FBXW2: variants seen among roughly 807,000 people sequenced by gnomAD.
FBXW2 encodes the protein F-box/WD repeat-containing protein 2.
Under a neutral mutation model 46.0 loss-of-function variants are expected in FBXW2, and 12 were observed. The ratio of observed to expected loss-of-function variants is 0.26; its 90% CI spans 0.17 to 0.42. The LOEUF is 0.42. FBXW2 is among the 10% of genes least tolerant of loss of function. The pLI is 1.00. For synonymous variants in FBXW2, 203 were observed against 209.6 expected, an observed-to-expected ratio of 0.97 and a Z score of 0.27; for missense variants, 360 against 537.0, an observed-to-expected ratio of 0.67 and a Z score of 3.26.
intron 3 of FBXW2, among the ~76,000 whole-genome samples, chr9:120,779,510 T>G (rs1480703025): frequency 6.6e-6 from 1 of 152,224 alleles, no homozygotes; most frequent in Non-Finnish European, 1.5e-5. Flanking sequence ...AGCTAGAGTA[T>G]GAATTTTAAC....
chr9:120,778,580 C>T, intron 3 of FBXW2, 35 bp from the exon 4 acceptor site: 1 of 1,577,608 alleles, frequency 6.3e-7, no homozygotes, highest in Non-Finnish European at 8.7e-7. Context: ...AATAAGAAAA[C>T]AAACACACTA....
At chr9:120,785,616 C>T (rs955101709) in intron 3 of FBXW2, among the ~76,000 whole-genome samples, 1 of 152,136 alleles carries the variant, frequency 6.6e-6, no homozygotes. Context: ...AGAAATGATA[C>T]ATCTCAACAT....
chr9:120,787,706 G>C (rs2044753949), intron 3 of FBXW2, 63 bp downstream of exon 3: 13 of 1,506,112 alleles, frequency 8.6e-6, no homozygotes, highest in African/African-American at 1.4e-5. Flanking sequence ...CTCAAGACTG[G>C]TTCAAGATTA....
At chr9:120,775,963 C>A (rs552674094) in intron 5 of FBXW2, 130 bp downstream of exon 5, 380 of 1,084,898 alleles carry the variant, frequency 3.5e-4, no homozygotes, top group Non-Finnish European at 4.9e-4. Flanking sequence ...CTGTTGTGTA[C>A]CATTATGCTT....
chr9:120,766,831 C>T (rs1178129608), intron 7 of FBXW2, among the ~76,000 whole-genome samples: 8 of 152,214 alleles, frequency 5.3e-5, no homozygotes, highest in Non-Finnish European at 1.0e-4. Context: ...AAGACTAAAA[C>T]ATCTTGCCAT....
At chr9:120,780,519 G>A (rs2044588685) in intron 3 of FBXW2, among the ~76,000 whole-genome samples, 1 of 152,116 alleles carries the variant, frequency 6.6e-6, no homozygotes, top group Admixed American at 6.5e-5. Context: ...ATTTGGACTA[G>A]CCACAGCTCA....
Position 120,757,962 on chromosome 9 carries a change from T to G in FBXW2, c.*6597A>C, listed in dbSNP as rs1428673931. 1 of 152,268 alleles carries G rather than the reference T, an allele frequency of 6.6e-6. No homozygotes were observed. Among genetic ancestry groups the G allele is most frequent in the African/African-American group, 2.4e-5 (1 of 41,472 alleles). The allele number at this position is 152,268 out of a possible 1,614,324, so 9.4% of individuals were successfully genotyped here. A position where few individuals can be genotyped will look rare whatever the true frequency, so the allele number is the denominator to read the frequency against. The stretch of plus-strand genomic sequence containing the variant: ...ATTTTAGATGCTCTGGAAGTTATTT[T>G]TCTTCCAAGTTTAGATAGCTCTTAA... On this transcript the variant is annotated 3_prime_UTR_variant, in exon 8 of 8. Transcript: ENST00000608872.
intron 2 of FBXW2, among the ~76,000 whole-genome samples, chr9:120,789,228 G>A (rs541597101): frequency 1.2e-4 from 19 of 152,298 alleles, no homozygotes; most frequent in African/African-American, 4.6e-4. Flanking sequence ...TCAAGATCAG[G>A]TACCAAGCTC....
At chr9:120,778,843 T>C (rs1301604806) in intron 3 of FBXW2, among the ~76,000 whole-genome samples, 1 of 152,174 alleles carries the variant, frequency 6.6e-6, no homozygotes, top group Non-Finnish European at 1.5e-5. Context: ...ACTTGAAAAA[T>C]TTCATAAATC....
intron 4 of FBXW2, among the ~76,000 whole-genome samples, chr9:120,778,084 T>TGAGA (rs374500563): frequency 6.9e-6 from 1 of 145,932 alleles, no homozygotes; most frequent in Non-Finnish European, 1.5e-5. Flanking sequence ...AGAGAGAGAA[T>TGAGA]GAGAGAGAGA....
At chr9:120,771,563 C>T in intron 6 of FBXW2, 46 bp from the exon 7 acceptor site, 3 of 1,533,686 alleles carry the variant, frequency 2.0e-6, no homozygotes, top group Non-Finnish European at 2.7e-6. Flanking sequence ...CACATCACTA[C>T]AGAAAAGCTT....
intron 7 of FBXW2, among the ~76,000 whole-genome samples, chr9:120,770,044 T>A (rs1023928817): frequency 4.6e-5 from 7 of 151,960 alleles, no homozygotes; most frequent in Admixed American, 4.6e-4. Context: ...GTTATTGTGA[T>A]CAGATCCACA....
At chr9:120,768,318 C>A (rs972255301) in intron 7 of FBXW2, among the ~76,000 whole-genome samples, 5 of 152,176 alleles carry the variant, frequency 3.3e-5, no homozygotes, top group Admixed American at 6.5e-5. Flanking sequence ...CCTCTTAACC[C>A]AACCATTAAA....
At chr9:120,769,784 T>C (rs1006018607) in intron 7 of FBXW2, among the ~76,000 whole-genome samples, 1 of 152,146 alleles carries the variant, frequency 6.6e-6, no homozygotes, top group African/African-American at 2.4e-5. Flanking sequence ...CAGTGAGAGG[T>C]GGAATGCTGG....
intron 5 of FBXW2, among the ~76,000 whole-genome samples, chr9:120,775,588 C>T (rs949828719): frequency 5.9e-5 from 9 of 152,118 alleles, no homozygotes; most frequent in Non-Finnish European, 1.3e-4. Flanking sequence ...TTGATCCTCA[C>T]AACAATCTTG....
At chr9:120,775,097 G>A (rs1246141300) in intron 5 of FBXW2, among the ~76,000 whole-genome samples, 1 of 145,164 alleles carries the variant, frequency 6.9e-6, no homozygotes, top group Non-Finnish European at 1.5e-5. Flanking sequence ...TCACTTTGTT[G>A]CCTAGGGTGG....
At chr9:120,789,929 G>C (rs750690302) in intron 2 of FBXW2, among the ~76,000 whole-genome samples, 3 of 152,204 alleles carry the variant, frequency 2.0e-5, no homozygotes, top group Non-Finnish European at 2.9e-5. Flanking sequence ...GTTTGGGCTA[G>C]AGAAGATTTA....
chr9:120,775,107 G>A (rs2044464595), intron 5 of FBXW2, among the ~76,000 whole-genome samples: 1 of 151,414 alleles, frequency 6.6e-6, no homozygotes, highest in Non-Finnish European at 1.5e-5. Context: ...GCCTAGGGTG[G>A]AGTGCAGTGG....
intron 5 of FBXW2, 103 bp from the exon 6 acceptor site, chr9:120,772,943 A>C: frequency 1.3e-6 from 1 of 785,746 alleles, no homozygotes; most frequent in Non-Finnish European, 2.1e-6. Flanking sequence ...CATATGCTAG[A>C]ATAGCTAAGC....
Sources: allele counts gnomAD v4.1 joint callset (sites outside exome capture counted in the v4.1 genomes callset), GRCh38; gene constraint gnomAD v4.1.1; transcripts MANE v1.5; gene names NCBI Gene and HGNC (gene_info 2026-07-23, HGNC 2026-07-21).